Variants in COPZ1 observed in about 807,000 individuals in gnomAD.
The protein encoded by COPZ1 is coat protein complex I subunit zeta 1.
In COPZ1, 4 loss-of-function variants were observed where a neutral mutation model predicts 31.7. The observed-to-expected ratio is 0.13, with a 90% CI of 0.06 to 0.29. The LOEUF is 0.29. Ranked by LOEUF, COPZ1 falls within the 10% of genes least tolerant of loss-of-function variation. The pLI, the probability that COPZ1 is intolerant of heterozygous loss-of-function variation, is 1.00. For missense variants in COPZ1, 156 were observed against 211.5 expected (o/e 0.74, Z 1.63); for synonymous variants, 74 against 79.0 (o/e 0.94, Z 0.33).
At chr12:54,326,982 TTTTTTTTTTTTTTTTTG>T (rs1953665121) in intron 1 of COPZ1, among the ~76,000 whole-genome samples, 1 of 97,842 alleles carries the variant, frequency 1.0e-5, no homozygotes, top group African/African-American at 3.7e-5. Context: ...TTTTTTTTTT[TTTTTTTTTTTTTTTTTG>T]AGATAGAGTC....
intron 1 of COPZ1, 82 bp downstream of exon 1, chr12:54,325,263 A>G: frequency 6.7e-7 from 1 of 1,496,242 alleles, no homozygotes. Context: ...GGAGACGGGG[A>G]AAGAGAGTTC....
chr12:54,330,006 A>C (rs1285640440), intron 1 of COPZ1, among the ~76,000 whole-genome samples: 1 of 152,056 alleles, frequency 6.6e-6, no homozygotes, highest in African/African-American at 2.4e-5. Flanking sequence ...TAAGCCCCTA[A>C]AGCACTCCCA....
intron 8 of COPZ1, 94 bp from the exon 9 acceptor site, chr12:54,350,382 C>T: frequency 2.1e-6 from 2 of 954,698 alleles, no homozygotes; most frequent in East Asian, 2.4e-5. Context: ...CTTCTAAGGA[C>T]AGGGAAGACA....
At chr12:54,330,903 G>A (rs534985232) in intron 1 of COPZ1, among the ~76,000 whole-genome samples, 1 of 152,262 alleles carries the variant, frequency 6.6e-6, no homozygotes, top group African/African-American at 2.4e-5. Context: ...TGATGAAGAT[G>A]GATTCAGAGA....
At chr12:54,335,732 C>T (rs1216292449) in intron 1 of COPZ1, among the ~76,000 whole-genome samples, 1 of 150,568 alleles carries the variant, frequency 6.6e-6, no homozygotes, top group Non-Finnish European at 1.5e-5. Flanking sequence ...AGTGCAGTAG[C>T]GCAATTGTAG....
At chr12:54,330,943 G>A (rs1953739004) in intron 1 of COPZ1, among the ~76,000 whole-genome samples, 1 of 152,254 alleles carries the variant, frequency 6.6e-6, no homozygotes, top group South Asian at 2.1e-4. Flanking sequence ...AGATGCTTGT[G>A]CTGGCAAGGG....
At chr12:54,350,270 C>T in intron 8 of COPZ1, 1 of 725,860 alleles carries the variant, frequency 1.4e-6, no homozygotes, top group Non-Finnish European at 2.5e-6. Flanking sequence ...TCTTCATCCC[C>T]TCAGTGGGTT....
chr12:54,327,696 T>G (rs997892318), intron 1 of COPZ1, among the ~76,000 whole-genome samples: 3 of 149,898 alleles, frequency 2.0e-5, no homozygotes, highest in Non-Finnish European at 3.0e-5. Context: ...CCTGGGAGTT[T>G]GAGGCTGCAG....
chr12:54,350,444 A>G (rs1326626122), intron 8 of COPZ1, 32 bp from the exon 9 acceptor site: 1 of 1,606,674 alleles, frequency 6.2e-7, no homozygotes, highest in African/African-American at 1.3e-5. Flanking sequence ...CCTGTCAGCA[A>G]GCTTTCCTCA....
At chr12:54,330,482 C>T (rs575652356) in intron 1 of COPZ1, among the ~76,000 whole-genome samples, 1 of 152,222 alleles carries the variant, frequency 6.6e-6, no homozygotes, top group South Asian at 2.1e-4. Flanking sequence ...TTTCCCTCTT[C>T]TTCACAGTGG....
Position 54,342,238 on chromosome 12 carries a change from G to A in COPZ1, c.120G>A (p.Glu40=), listed in dbSNP as rs1953984381. 1.2e-6 allele frequency: 2 copies of A among 1,614,060 alleles called. No homozygotes were observed. Among genetic ancestry groups the A allele is most frequent in the Non-Finnish European group, 1.7e-6 (2 of 1,179,970 alleles). ...YYDDTYPSVK[E]QKAFEKNIFN... is the part of the protein sequence containing the mutation. Reference sequence around the variant, plus strand: ...ACGACACCTACCCCAGTGTCAAGGAGCAAAAGGCCTTTGAGAAGAACATTT... The same window carrying A: ...ACGACACCTACCCCAGTGTCAAGGAACAAAAGGCCTTTGAGAAGAACATTT... The change falls in exon 3 of 9, where the codon GAG becomes GAA. Residue 40 remains glutamate (E), a synonymous_variant. Coordinates refer to ENST00000262061, the MANE Select transcript of COPZ1 (RefSeq NM_016057.3).
chr12:54,330,428 C>T (rs1953730158), intron 1 of COPZ1, among the ~76,000 whole-genome samples: 2 of 152,184 alleles, frequency 1.3e-5, no homozygotes, highest in Admixed American at 6.6e-5. Flanking sequence ...TCTTGCCCTC[C>T]AAGAAGACCT....
At chr12:54,325,260 G>A in intron 1 of COPZ1, 79 bp downstream of exon 1, 3 of 1,498,944 alleles carry the variant, frequency 2.0e-6, no homozygotes, top group South Asian at 2.5e-5. Context: ...GTGGGAGACG[G>A]GGAAAGAGAG....
chr12:54,350,081 T>A, intron 8 of COPZ1: 3 of 604,430 alleles, frequency 5.0e-6, no homozygotes, highest in Non-Finnish European at 5.9e-6. Context: ...CTACCTTGAC[T>A]GCAGATAGAT....
chr12:54,336,369 A>G (rs1233311948), intron 1 of COPZ1, among the ~76,000 whole-genome samples: 2 of 151,588 alleles, frequency 1.3e-5, no homozygotes, highest in Non-Finnish European at 2.9e-5. Context: ...GTGAAACCCC[A>G]TCCCTACTAA....
Position 54,345,523 on chromosome 12 carries a change from G to C in COPZ1, c.317+8G>C. 1 of 1,608,782 alleles carries C rather than the reference G, an allele frequency of 6.2e-7. No individual in the cohort carries two copies. The highest frequency in any genetic ancestry group is 8.5e-7 in the Non-Finnish European group (1 of 1,175,398). On this transcript the variant is annotated splice_region_variant and intron_variant, in intron 5 of 8. Transcript: ENST00000262061. ...ATTGAGCCAGATGCTGAGGTGAGCA[G>C]GACATTCTTTTTTTTCCCCTCAAGT...
At chr12:54,345,700 G>A (rs377547510) in intron 5 of COPZ1, among the ~76,000 whole-genome samples, 185 bp downstream of exon 5, 17 of 152,186 alleles carry the variant, frequency 1.1e-4, no homozygotes, top group African/African-American at 3.1e-4. Context: ...GCTCACGTTC[G>A]TAATCCCAGT....
chr12:54,342,357 C>T, intron 3 of COPZ1, 70 bp downstream of exon 3: 4 of 1,121,084 alleles, frequency 3.6e-6, no homozygotes, highest in Non-Finnish European at 5.5e-6. Flanking sequence ...GGTAACAGGG[C>T]TGCAGAGAAA....
chr12:54,333,397 A>G (rs904264829), intron 1 of COPZ1, among the ~76,000 whole-genome samples: 1 of 152,206 alleles, frequency 6.6e-6, no homozygotes, highest in Non-Finnish European at 1.5e-5. Flanking sequence ...AATAAGGTCC[A>G]TAGATGTAAT....
Sources: allele counts gnomAD v4.1 joint callset (sites outside exome capture counted in the v4.1 genomes callset), GRCh38; gene constraint gnomAD v4.1.1; transcripts MANE v1.5; gene names NCBI Gene and HGNC (gene_info 2026-07-23, HGNC 2026-07-21).